Variants in GSE1 observed in about 807,000 individuals in gnomAD.
GSE1 encodes the protein Gse1 coiled-coil protein, also known as genetic suppressor element 1.
GSE1 carries 32 observed loss-of-function variants against 112.6 expected under a neutral mutation model. The observed-to-expected ratio is 0.28, with a 90% CI of 0.21 to 0.38. The LOEUF (loss-of-function observed/expected upper bound fraction) is 0.38, where lower values mean the gene tolerates loss of function less well. Ranked by LOEUF, GSE1 falls within the 10% of genes least tolerant of loss-of-function variation. The pLI is 1.00. For synonymous variants in GSE1, 1,115 were observed against 735.6 expected (o/e 1.52, Z -8.35); for missense variants, 2,348 against 1,699.2 (o/e 1.38, Z -6.71).
chr16:85,527,932 A>G (rs1390781031), intron 2 of GSE1, among the ~76,000 whole-genome samples: 1 of 152,160 alleles, frequency 6.6e-6, no homozygotes, highest in African/African-American at 2.4e-5. Context: ...TGGGGAGGAG[A>G]AGGCCGTTCC....
chr16:85,555,126 A>G (rs2045136237), upstream of GSE1: 1 of 985,026 alleles, frequency 1.0e-6, no homozygotes, highest in Non-Finnish European at 1.2e-6. Context: ...CGCCGCCTTC[A>G]GCCGCCCGCC....
In GSE1 at chr16:85,318,705, A is replaced by T. The variant is rs146781349; in HGVS notation, c.2284-38758A>T. On this transcript the variant is annotated intron_variant, in intron 1 of 2. Transcript: ENST00000637419. The stretch of plus-strand genomic sequence containing the variant: ...CAGCGTCAGAGGTGGTGGGGTTGGC[A>T]CAGCCCTATCAAGCTGCTTGGGCAG... 3.7e-3 allele frequency among the ~76,000 whole-genome samples: 558 copies of T among 152,330 alleles called. 5 individuals are homozygous for T. The highest frequency in any genetic ancestry group is 0.013 in the African/African-American group (524 of 41,580).
intron 1 of GSE1, among the ~76,000 whole-genome samples, chr16:85,232,756 AG>A (rs1191775243): frequency 4.6e-5 from 7 of 152,366 alleles, no homozygotes; most frequent in Non-Finnish European, 2.9e-5. Context: ...TCAGCTCAAA[AG>A]CCACTTCCTC....
At chr16:85,178,353 T>A (rs1178220052) in intron 1 of GSE1, among the ~76,000 whole-genome samples, 1 of 152,006 alleles carries the variant, frequency 6.6e-6, no homozygotes, top group East Asian at 1.9e-4. Context: ...TCATTCTGCA[T>A]GGAGCCAGAA....
In GSE1 at chr16:85,226,694, G is replaced by A. The variant is rs534254918; in HGVS notation, c.2283+54887G>A. 4.6e-5 allele frequency among the ~76,000 whole-genome samples: 7 copies of A among 152,192 alleles called. No individual in the cohort carries two copies. In the South Asian group the frequency reaches 1.0e-3, roughly 23 times the overall value. Reference sequence around the variant, plus strand: ...CGGCATGGGGACTGGCATGATGGGTGTCCCCTGCTGGGAGGTGGCCTGAGC... The same window carrying A: ...CGGCATGGGGACTGGCATGATGGGTATCCCCTGCTGGGAGGTGGCCTGAGC... On this transcript the variant is annotated intron_variant, in intron 1 of 2. Coordinates refer to the GSE1 transcript ENST00000637419.
chr16:85,641,585 C>T (rs1366563195), intron 2 of GSE1, among the ~76,000 whole-genome samples: 1 of 152,274 alleles, frequency 6.6e-6, no homozygotes, highest in Admixed American at 6.5e-5. Context: ...TTCAGCCTTG[C>T]GCTGTGGTGT....
At chr16:85,219,880 G>A (rs1193409817) in intron 1 of GSE1, among the ~76,000 whole-genome samples, 1 of 152,236 alleles carries the variant, frequency 6.6e-6, no homozygotes, top group East Asian at 1.9e-4. Context: ...AGGGAAGGCA[G>A]GCTCTCCTGG....
chr16:85,638,911 G>A (rs971382208), intron 2 of GSE1, among the ~76,000 whole-genome samples: 1 of 152,118 alleles, frequency 6.6e-6, no homozygotes, highest in Non-Finnish European at 1.5e-5. Context: ...GGCTTCCTCT[G>A]TCCCAGTGGT....
chr16:85,245,512 G>C (rs1905547786), intron 1 of GSE1, among the ~76,000 whole-genome samples: 1 of 152,178 alleles, frequency 6.6e-6, no homozygotes. Context: ...TGGAGAAGGA[G>C]CTTCTTCCTG....
intron 2 of GSE1, among the ~76,000 whole-genome samples, chr16:85,361,768 G>A (rs982920518): frequency 1.3e-5 from 2 of 152,230 alleles, no homozygotes; most frequent in Admixed American, 6.5e-5. Flanking sequence ...ACACGTGGCC[G>A]TCAGCTGCCT....
chr16:85,590,676 ATG>A (rs1163171077), intron 1 of GSE1, among the ~76,000 whole-genome samples: 1 of 151,924 alleles, frequency 6.6e-6, no homozygotes, highest in African/African-American at 2.4e-5. Context: ...TGATATGTGA[ATG>A]TGTTTGAGAC....
At chr16:85,556,594 G>A (rs2151264425) in intron 1 of GSE1, among the ~76,000 whole-genome samples, 1 of 150,560 alleles carries the variant, frequency 6.6e-6, no homozygotes, top group Non-Finnish European at 1.5e-5. Context: ...CCATCGCGCC[G>A]CCGCCGGGGG....
chr16:85,648,536 G>A lies in GSE1; in HGVS notation c.227-16G>A, dbSNP rs368576693. ...CACTGCGGCTCCCACTCAGGCCACC[G>A]TCTTCTCCTCCACAGGGTCCTCACT... On this transcript the variant is annotated splice_polypyrimidine_tract_variant and intron_variant, in intron 2 of 15. Transcript: ENST00000253458. 7.6e-6 allele frequency: 11 copies of A among 1,450,448 alleles called. No homozygotes were observed. The highest frequency in any genetic ancestry group is 1.4e-5 in the African/African-American group (1 of 69,282). 89.8% of individuals were successfully genotyped at this position (1,450,448 alleles called of 1,614,324 possible).
At chr16:85,302,457 C>G (rs1028581460) in intron 1 of GSE1, among the ~76,000 whole-genome samples, 1 of 150,670 alleles carries the variant, frequency 6.6e-6, no homozygotes, top group Middle Eastern at 3.4e-3. Context: ...CGCCCCCCCC[C>G]GCCCCCACAC....
At chr16:85,425,560 A>G (rs1317695308) in intron 2 of GSE1, among the ~76,000 whole-genome samples, 1 of 152,190 alleles carries the variant, frequency 6.6e-6, no homozygotes, top group East Asian at 1.9e-4. Context: ...ACACCGATGC[A>G]CGCTTTGGCG....
chr16:85,322,883 T>G (rs890897829), intron 1 of GSE1, among the ~76,000 whole-genome samples: 2 of 152,198 alleles, frequency 1.3e-5, no homozygotes, highest in African/African-American at 4.8e-5. Flanking sequence ...CCCAAAGTGC[T>G]GGGATTACAG....
Position 85,654,611 on chromosome 16 carries a change from T to C in GSE1, c.599+161T>C, listed in dbSNP as rs374742046. The stretch of plus-strand genomic sequence containing the variant: ...GGATTGCAGCCCTGTCTGTGCCCCT[T>C]CACACTGAGGTGGCAGTGGCAGCTC... On this transcript the variant is annotated intron_variant, in intron 4 of 15. Coordinates refer to ENST00000253458, the MANE Select transcript of GSE1 (RefSeq NM_014615.5). 2.6e-4 allele frequency among the ~76,000 whole-genome samples: 40 copies of C among 152,244 alleles called. 1 individual carries two copies. In the East Asian group the frequency reaches 4.6e-3, roughly 18 times the overall value.
At chr16:85,383,954 C>T (rs2151628099) in intron 2 of GSE1, among the ~76,000 whole-genome samples, 1 of 152,336 alleles carries the variant, frequency 6.6e-6, no homozygotes, top group East Asian at 1.9e-4. Flanking sequence ...TGGCCATCCT[C>T]ACAGGGGCTT....
At chr16:85,358,981 G>T (rs2047009606) in intron 2 of GSE1, among the ~76,000 whole-genome samples, 1 of 152,258 alleles carries the variant, frequency 6.6e-6, no homozygotes, top group African/African-American at 2.4e-5. Context: ...AAGCTAATGG[G>T]AGTGCCTGGC....
Sources: allele counts gnomAD v4.1 joint callset (sites outside exome capture counted in the v4.1 genomes callset), GRCh38; gene constraint gnomAD v4.1.1; transcripts MANE v1.5; gene names NCBI Gene and HGNC (gene_info 2026-07-23, HGNC 2026-07-21).